The following ABTB3 variants were observed in gnomAD, a reference collection of about 807,000 sequenced individuals.
ABTB3 encodes ankyrin repeat and BTB domain containing 3.
At chr12:107,573,464 C>T in the ABTB3 span, among the ~76,000 whole-genome samples, 2 of 139,618 alleles carry the variant, frequency 1.4e-5, no homozygotes, top group East Asian at 2.0e-4. Flanking sequence ...GTGGATGAAT[C>T]GATGGATGGA....
chr12:107,604,857 A>G, the ABTB3 span, among the ~76,000 whole-genome samples: 5 of 152,250 alleles, frequency 3.3e-5, no homozygotes, highest in African/African-American at 4.8e-5. Flanking sequence ...AAAATATGGA[A>G]TCAACCTGCC....
At chr12:107,325,858 C>G in the ABTB3 span, among the ~76,000 whole-genome samples, 1 of 152,148 alleles carries the variant, frequency 6.6e-6, no homozygotes, top group Non-Finnish European at 1.5e-5. Flanking sequence ...ATGCCAGGCA[C>G]TATTTTAAGA....
At chr12:107,561,501 T>C in the ABTB3 span, among the ~76,000 whole-genome samples, 1 of 152,134 alleles carries the variant, frequency 6.6e-6, no homozygotes, top group African/African-American at 2.4e-5. Context: ...ACAAGTATAA[T>C]TGAGGAGTAT....
chr12:107,503,711 T>C, the ABTB3 span, among the ~76,000 whole-genome samples: 1 of 136,270 alleles, frequency 7.3e-6, no homozygotes, highest in Non-Finnish European at 1.5e-5. Context: ...GAGCTGTGAT[T>C]GCGCCACTGC....
At chr12:107,463,323 G>A in the ABTB3 span, among the ~76,000 whole-genome samples, 740 of 151,874 alleles carry the variant, frequency 4.9e-3, 6 homozygotes, top group African/African-American at 0.017. Context: ...TGGTAGTGAG[G>A]GTGATGGTGG....
chr12:107,634,153 C>A, the ABTB3 span, among the ~76,000 whole-genome samples: 1 of 152,274 alleles, frequency 6.6e-6, no homozygotes, highest in South Asian at 2.1e-4. Context: ...TTTGGATTTT[C>A]TTTTGTATGC....
chr12:107,453,124 C>T, the ABTB3 span, among the ~76,000 whole-genome samples: 7 of 152,074 alleles, frequency 4.6e-5, no homozygotes, highest in East Asian at 5.8e-4. Context: ...AACGAGCTTA[C>T]GGTACTTAAG....
the ABTB3 span, among the ~76,000 whole-genome samples, chr12:107,334,731 G>A: frequency 2.0e-5 from 3 of 152,164 alleles, no homozygotes; most frequent in Non-Finnish European, 4.4e-5. Context: ...AGTGAGTATA[G>A]AAGGGACAAG....
At chr12:107,521,137 G>T in the ABTB3 span, among the ~76,000 whole-genome samples, 1 of 152,194 alleles carries the variant, frequency 6.6e-6, no homozygotes, top group East Asian at 1.9e-4. Context: ...TAATGGAAAA[G>T]TGAGGAGGAG....
At chr12:107,358,782 A>G in the ABTB3 span, among the ~76,000 whole-genome samples, 1 of 152,144 alleles carries the variant, frequency 6.6e-6, no homozygotes, top group East Asian at 1.9e-4. Flanking sequence ...TTTAGTAGAG[A>G]TGGAGTTTCA....
chr12:107,608,591 C>T, the ABTB3 span, among the ~76,000 whole-genome samples: 1 of 152,122 alleles, frequency 6.6e-6, no homozygotes, highest in South Asian at 2.1e-4. Flanking sequence ...AGACACAAGC[C>T]AGGTGCAGTT....
chr12:107,466,083 C>T, the ABTB3 span, among the ~76,000 whole-genome samples: 306 of 152,214 alleles, frequency 2.0e-3, no homozygotes, highest in African/African-American at 6.9e-3. Context: ...ATTTTACCTG[C>T]TGCCTTTAAT....
the ABTB3 span, among the ~76,000 whole-genome samples, chr12:107,402,209 G>T: frequency 6.6e-6 from 1 of 152,180 alleles, no homozygotes; most frequent in Admixed American, 6.5e-5. Context: ...GCTCAGAGAG[G>T]TTAAATCACT....
chr12:107,479,057 A>G, the ABTB3 span, among the ~76,000 whole-genome samples: 1 of 152,148 alleles, frequency 6.6e-6, no homozygotes, highest in Non-Finnish European at 1.5e-5. Flanking sequence ...GAGAATGAAC[A>G]GGTTTTGAAA....
the ABTB3 span, among the ~76,000 whole-genome samples, chr12:107,615,879 C>T: frequency 6.6e-6 from 1 of 152,208 alleles, no homozygotes; most frequent in East Asian, 1.9e-4. Context: ...CATGACTGCA[C>T]CTGGTCCTGT....
the ABTB3 span, among the ~76,000 whole-genome samples, chr12:107,332,900 C>T: frequency 3.3e-5 from 5 of 152,342 alleles, no homozygotes; most frequent in South Asian, 1.0e-3. Flanking sequence ...AGCCGACTCA[C>T]AATTCTTTAT....
the ABTB3 span, among the ~76,000 whole-genome samples, chr12:107,532,825 C>T: frequency 5.3e-5 from 8 of 152,084 alleles, no homozygotes; most frequent in Admixed American, 2.0e-4. Flanking sequence ...AAACAGATTT[C>T]TCAGCAGAAA....
chr12:107,420,846 C>T, the ABTB3 span, among the ~76,000 whole-genome samples: 1 of 152,184 alleles, frequency 6.6e-6, no homozygotes, highest in East Asian at 1.9e-4. Context: ...ATGTAGAGGA[C>T]ACTACCCCAT....
the ABTB3 span, among the ~76,000 whole-genome samples, chr12:107,515,635 T>G: frequency 1.3e-5 from 2 of 152,116 alleles, no homozygotes; most frequent in African/African-American, 4.8e-5. Flanking sequence ...TCTTGGCAGG[T>G]GGGCAAACCA....
Sources: allele counts gnomAD v4.1 joint callset (sites outside exome capture counted in the v4.1 genomes callset), GRCh38; gene constraint gnomAD v4.1.1; transcripts MANE v1.5; gene names NCBI Gene and HGNC (gene_info 2026-07-23, HGNC 2026-07-21).